KAZN: variants seen among roughly 807,000 people sequenced by gnomAD.
KAZN encodes the protein kazrin, periplakin interacting protein.
KAZN carries 40 observed loss-of-function variants against 87.4 expected under a neutral mutation model. The ratio of observed to expected loss-of-function variants is 0.46; its 90% CI spans 0.36 to 0.60. KAZN has a LOEUF of 0.60. KAZN is among the 20% of genes least tolerant of loss of function. The pLI, the probability that KAZN is intolerant of heterozygous loss-of-function variation, is 0.00. For missense variants in KAZN, 898 were observed against 1,073.9 expected, an observed-to-expected ratio of 0.84 and a Z score of 2.29; for synonymous variants, 466 against 458.3, an observed-to-expected ratio of 1.02 and a Z score of -0.22.
chr1:14,538,438 G>A (rs895022778), intron 2 of KAZN, among the ~76,000 whole-genome samples: 1 of 152,206 alleles, frequency 6.6e-6, no homozygotes, highest in African/African-American at 2.4e-5. Flanking sequence ...TCTTACAGTT[G>A]TGGAGGCTGG....
At position 14,461,816 on chromosome 1, in the gene KAZN, G is replaced by A. The variant is rs888324627; in HGVS notation, c.250-137167G>A. 2.6e-5 allele frequency among the ~76,000 whole-genome samples: 4 copies of A among 152,020 alleles called. No homozygotes were observed. In the East Asian group the frequency reaches 5.8e-4, roughly 22 times the overall value. The stretch of plus-strand genomic sequence containing the variant: ...ATACCCTGCATGTAGCCAGGAAGGG[G>A]TTAAAATAAATTAAGAAAACAGAAA... On this transcript the variant is annotated intron_variant, in intron 2 of 16. Coordinates refer to the KAZN transcript ENST00000636203.
chr1:15,039,333 T>C (rs948600658), intron 3 of KAZN, among the ~76,000 whole-genome samples: 5 of 152,136 alleles, frequency 3.3e-5, no homozygotes, highest in Non-Finnish European at 5.9e-5. Flanking sequence ...GGAGGTCTAG[T>C]CCCAGAGCCC....
intron 1 of KAZN, among the ~76,000 whole-genome samples, chr1:14,172,923 A>T (rs955715709): frequency 6.6e-6 from 1 of 152,188 alleles, no homozygotes; most frequent in African/African-American, 2.4e-5. Context: ...TCCTCCAAGT[A>T]TGGCGGTCTC....
chr1:14,776,933 CA>C (rs56275592), intron 1 of KAZN, among the ~76,000 whole-genome samples: 14,745 of 112,780 alleles, frequency 0.13, 756 homozygotes, highest in Admixed American at 0.24. Flanking sequence ...TACCCTGTCT[CA>C]AAAAAAAAAA....
At chr1:14,973,181 C>T (rs148916383) in intron 2 of KAZN, among the ~76,000 whole-genome samples, 2 of 152,256 alleles carry the variant, frequency 1.3e-5, no homozygotes, top group African/African-American at 4.8e-5. Context: ...CATCAATAGA[C>T]ATCGTTTTAA....
chr1:14,579,353 T>C (rs1675386576), intron 2 of KAZN, among the ~76,000 whole-genome samples: 1 of 152,106 alleles, frequency 6.6e-6, no homozygotes, highest in Admixed American at 6.5e-5. Flanking sequence ...AGTCTGGGCG[T>C]GGTGGCTCAC....
At chr1:14,140,050 G>A (rs1367244897) in intron 1 of KAZN, among the ~76,000 whole-genome samples, 1 of 151,908 alleles carries the variant, frequency 6.6e-6, no homozygotes, top group African/African-American at 2.4e-5. Context: ...AGGCATCCAT[G>A]AAAGTCTTCA....
intron 2 of KAZN, among the ~76,000 whole-genome samples, chr1:14,591,312 C>T (rs1473442834): frequency 1.3e-5 from 2 of 151,960 alleles, no homozygotes; most frequent in Non-Finnish European, 2.9e-5. Flanking sequence ...ATATATTTTG[C>T]TTGGCTGTGG....
intron 2 of KAZN, among the ~76,000 whole-genome samples, chr1:14,373,503 C>A (rs973558082): frequency 1.3e-5 from 2 of 152,156 alleles, no homozygotes; most frequent in Non-Finnish European, 2.9e-5. Context: ...GAAGGGCAAA[C>A]TGCTTAAGTG....
At chr1:14,200,919 A>G (rs1310210029) in intron 2 of KAZN, among the ~76,000 whole-genome samples, 4 of 151,954 alleles carry the variant, frequency 2.6e-5, no homozygotes, top group African/African-American at 4.8e-5. Flanking sequence ...ATGGAGGACT[A>G]TAGAGCTCCT....
rs575777450 is a variant in KAZN, at chr1:14,870,168, A to G, written c.227-90516A>G. On this transcript the variant is annotated intron_variant, in intron 1 of 14. Transcript: ENST00000376030. ...TGCTGGGGAGATTCCTTGAACATGG[A>G]GTCTAGGGCCTGGATACTGGGAAAA... Among the ~76,000 whole-genome samples, 5 of 152,190 alleles carry G rather than the reference A, an allele frequency of 3.3e-5. No individual in the cohort carries two copies. In the East Asian group the frequency reaches 9.7e-4, roughly 29 times the overall value.
chr1:14,433,344 G>A (rs780572996), intron 2 of KAZN, among the ~76,000 whole-genome samples: 4 of 152,144 alleles, frequency 2.6e-5, no homozygotes, highest in Non-Finnish European at 1.5e-5. Flanking sequence ...TAATTGCATA[G>A]TGTGCACTCT....
intron 2 of KAZN, among the ~76,000 whole-genome samples, chr1:14,524,207 A>G (rs1671744735): frequency 6.6e-6 from 1 of 152,020 alleles, no homozygotes; most frequent in Non-Finnish European, 1.5e-5. Flanking sequence ...TTTTTAGTAG[A>G]GACGGGGTTT....
chr1:15,063,432 TG>T, intron 6 of KAZN, 139 bp from the exon 7 acceptor site: 1 of 709,020 alleles, frequency 1.4e-6, no homozygotes. Flanking sequence ...AGATGGGGGG[TG>T]GGCTCCCCAC....
chr1:14,990,893 C>T (rs896161439), intron 2 of KAZN, among the ~76,000 whole-genome samples: 37 of 150,480 alleles, frequency 2.5e-4, no homozygotes, highest in South Asian at 2.1e-4. Context: ...ATCTAGTTTG[C>T]CTGATAAAAA....
At chr1:14,332,346 T>C (rs1656913068) in intron 2 of KAZN, among the ~76,000 whole-genome samples, 1 of 152,140 alleles carries the variant, frequency 6.6e-6, no homozygotes, top group South Asian at 2.1e-4. Context: ...CCAGGAGGTG[T>C]GGAATTGCTG....
intron 1 of KAZN, among the ~76,000 whole-genome samples, chr1:14,943,017 T>G (rs1423924014): frequency 1.1e-5 from 1 of 93,536 alleles, no homozygotes; most frequent in African/African-American, 4.6e-5. Flanking sequence ...GGTGTGTGTG[T>G]GTGTGTGTGT....
chr1:14,435,994 A>G (rs529162429), intron 2 of KAZN, among the ~76,000 whole-genome samples: 57 of 152,318 alleles, frequency 3.7e-4, no homozygotes, highest in African/African-American at 1.3e-3. Context: ...TACTGTCACA[A>G]TGTCCATTCT....
chr1:14,999,988 C>T (rs1188114525), intron 2 of KAZN, among the ~76,000 whole-genome samples: 1 of 152,174 alleles, frequency 6.6e-6, no homozygotes, highest in Non-Finnish European at 1.5e-5. Context: ...ATGATATAAT[C>T]CCTGGAACCT....
Sources: gnomAD v4.1 joint callset for allele counts (sites outside exome capture counted in the v4.1 genomes callset) on GRCh38, gnomAD v4.1.1 for gene constraint, MANE v1.5 for transcripts, NCBI Gene and HGNC (gene_info 2026-07-23, HGNC 2026-07-21) for gene names.